Variants in NRG1 observed in about 807,000 individuals in gnomAD.
NRG1 encodes the protein pro-neuregulin-1, membrane-bound isoform.
Under a neutral mutation model 63.8 loss-of-function variants are expected in NRG1, and 18 were observed. The observed-to-expected ratio is 0.28, with a 90% CI of 0.19 to 0.42. NRG1 has a LOEUF of 0.42. Among genes scored for constraint, NRG1 ranks in the 10% least tolerant of loss-of-function variants. The pLI is 1.00. For synonymous variants in NRG1, 302 were observed against 301.3 expected (o/e 1.00, Z -0.02); for missense variants, 762 against 814.7 (o/e 0.94, Z 0.79).
chr8:31,814,744 A>G (rs1406123793), intron 1 of NRG1, among the ~76,000 whole-genome samples: 2 of 151,594 alleles, frequency 1.3e-5, no homozygotes, highest in East Asian at 1.9e-4. Flanking sequence ...TATGTCTTCA[A>G]AATGTTTCTT....
intron 1 of NRG1, among the ~76,000 whole-genome samples, chr8:32,094,440 T>G (rs1197900500): frequency 2.6e-5 from 4 of 152,186 alleles, no homozygotes; most frequent in Admixed American, 1.3e-4. Flanking sequence ...ACAAGGACCT[T>G]GTTATCTTTC....
intron 1 of NRG1, among the ~76,000 whole-genome samples, chr8:31,700,848 G>T (rs1259714529): frequency 6.6e-6 from 1 of 152,128 alleles, no homozygotes; most frequent in Non-Finnish European, 1.5e-5. Flanking sequence ...TTGGGTGGGG[G>T]CTGAGGTCTT....
chr8:31,852,759 T>G (rs1472108679), intron 1 of NRG1, among the ~76,000 whole-genome samples: 1 of 152,248 alleles, frequency 6.6e-6, no homozygotes, highest in Non-Finnish European at 1.5e-5. Flanking sequence ...CATTTAAGTC[T>G]TTAATCCATC....
At chr8:32,651,693 C>T (rs977891300) in intron 5 of NRG1, among the ~76,000 whole-genome samples, 4 of 152,024 alleles carry the variant, frequency 2.6e-5, no homozygotes, top group South Asian at 2.1e-4. Flanking sequence ...CCATTGTTAC[C>T]GCAGTGACAA....
chr8:32,233,563 ATTTTT>A (rs1554660617), intron 1 of NRG1, among the ~76,000 whole-genome samples: 5 of 67,264 alleles, frequency 7.4e-5, no homozygotes, highest in African/African-American at 3.9e-4. Flanking sequence ...ATATATATAT[ATTTTT>A]TTTTTTTTTT....
At chr8:32,525,783 C>G (rs1830775425) in intron 1 of NRG1, among the ~76,000 whole-genome samples, 1 of 152,086 alleles carries the variant, frequency 6.6e-6, no homozygotes, top group Non-Finnish European at 1.5e-5. Context: ...TTGAGGCTTT[C>G]TATAATTACT....
chr8:31,861,994 G>T (rs1019191841), intron 1 of NRG1, among the ~76,000 whole-genome samples: 3 of 152,184 alleles, frequency 2.0e-5, no homozygotes, highest in African/African-American at 4.8e-5. Flanking sequence ...CGCAAGCTGA[G>T]TAGAGTCCAT....
At chr8:32,177,202 A>G (rs1419215769) in intron 1 of NRG1, among the ~76,000 whole-genome samples, 6 of 151,984 alleles carry the variant, frequency 3.9e-5, no homozygotes, top group Non-Finnish European at 8.8e-5. Flanking sequence ...GCTGGAAACC[A>G]TCATTCTCAG....
intron 1 of NRG1, among the ~76,000 whole-genome samples, chr8:31,847,396 G>T (rs1002525249): frequency 6.6e-6 from 1 of 152,058 alleles, no homozygotes; most frequent in Non-Finnish European, 1.5e-5. Context: ...TTACTTTCAG[G>T]GTGTTCGGAT....
chr8:32,189,265 G>C (rs1842255878), intron 1 of NRG1, among the ~76,000 whole-genome samples: 1 of 152,070 alleles, frequency 6.6e-6, no homozygotes, highest in African/African-American at 2.4e-5. Flanking sequence ...CCCAGTGTCT[G>C]TTGTTCCCAT....
chr8:32,235,251 AAAAAAAAG>A, intron 1 of NRG1, among the ~76,000 whole-genome samples: 1 of 150,044 alleles, frequency 6.7e-6, no homozygotes, highest in Admixed American at 6.6e-5. Context: ...AAAAAAAAAA[AAAAAAAAG>A]AGCCGGGCAT....
chr8:32,766,256 GC>G (rs535528959), exon 12 of NRG1: 239 of 152,290 alleles, frequency 1.6e-3, no homozygotes, highest in African/African-American at 5.4e-3. Flanking sequence ...ATGCCTGTCT[GC>G]AGGTTCTTGA....
At chr8:32,433,861 C>T (rs1261492544) in intron 1 of NRG1, among the ~76,000 whole-genome samples, 4 of 152,080 alleles carry the variant, frequency 2.6e-5, no homozygotes, top group Non-Finnish European at 5.9e-5. Flanking sequence ...AGGTTTGTGG[C>T]CTTCCCCATG....
intron 5 of NRG1, chr8:32,646,610 A>T (rs1202707874): frequency 1.1e-6 from 1 of 875,136 alleles, no homozygotes; most frequent in African/African-American, 1.8e-5. Context: ...GCTTTCTCTG[A>T]CCCAACAGTG....
At chr8:31,953,742 A>T (rs962665144) in intron 1 of NRG1, among the ~76,000 whole-genome samples, 1 of 152,168 alleles carries the variant, frequency 6.6e-6, no homozygotes, top group Non-Finnish European at 1.5e-5. Flanking sequence ...TCATTTCAAC[A>T]TATATTGAGC....
chr8:31,780,698 T>C (rs1273174497), intron 1 of NRG1, among the ~76,000 whole-genome samples: 1 of 152,202 alleles, frequency 6.6e-6, no homozygotes, highest in Admixed American at 6.5e-5. Flanking sequence ...TCCAAGTGGT[T>C]AATGATCTGT....
At chr8:32,229,447 A>G (rs1254402531) in intron 1 of NRG1, among the ~76,000 whole-genome samples, 1 of 152,034 alleles carries the variant, frequency 6.6e-6, no homozygotes, top group Non-Finnish European at 1.5e-5. Context: ...TGAGATACTC[A>G]CTCATTCGTG....
chr8:32,099,471 A>G (rs1455505467), intron 1 of NRG1: 1 of 152,220 alleles, frequency 6.6e-6, no homozygotes, highest in Non-Finnish European at 1.5e-5. Context: ...TTGAATGTGC[A>G]GGTCTAGCAA....
At chr8:32,510,428 A>C (rs1829040935) in intron 1 of NRG1, among the ~76,000 whole-genome samples, 1 of 152,042 alleles carries the variant, frequency 6.6e-6, no homozygotes, top group Non-Finnish European at 1.5e-5. Context: ...AAAAAGGAAA[A>C]AGAACAATAT....
Sources: gnomAD v4.1 joint callset for allele counts (sites outside exome capture counted in the v4.1 genomes callset) on GRCh38, gnomAD v4.1.1 for gene constraint, MANE v1.5 for transcripts, NCBI Gene and HGNC (gene_info 2026-07-23, HGNC 2026-07-21) for gene names.